The following LAMA5 variants were observed in gnomAD, a reference collection of about 807,000 sequenced individuals.
The protein encoded by LAMA5 is laminin subunit alpha 5, also known as laminin subunit alpha-5.
LAMA5 carries 260 observed loss-of-function variants against 433.4 expected under a neutral mutation model. That is an observed-to-expected ratio of 0.60 (90% confidence interval 0.54 to 0.66). The LOEUF is 0.66. Among genes scored for constraint, LAMA5 ranks in the 30% least tolerant of loss-of-function variants. The pLI, the probability that LAMA5 is intolerant of heterozygous loss-of-function variation, is 0.00. For missense variants in LAMA5, 5,378 were observed against 5,258.5 expected (o/e 1.02, Z -0.70); for synonymous variants, 2,620 against 2,226.6 (o/e 1.18, Z -4.97).
chr20:62,352,412 T>G (rs766595554), intron 3 of LAMA5, 52 bp from the exon 4 acceptor site: 3 of 1,445,514 alleles, frequency 2.1e-6, no homozygotes, highest in Admixed American at 1.8e-5. Flanking sequence ...AAAGCCTGGG[T>G]CCCCGCGGTG....
intron 51 of LAMA5, 109 bp from the exon 52 acceptor site, chr20:62,319,122 G>T: frequency 1.6e-6 from 2 of 1,229,092 alleles, no homozygotes; most frequent in Non-Finnish European, 1.1e-6. Context: ...CAGGCCAGGG[G>T]CCCGGAACCT....
intron 6 of LAMA5, among the ~76,000 whole-genome samples, chr20:62,347,630 A>T (rs1983589829): frequency 6.6e-6 from 1 of 152,188 alleles, no homozygotes; most frequent in South Asian, 2.1e-4. Context: ...ACAGGGCTGG[A>T]ATCTTGCCTT....
Position 62,309,129 on chromosome 20 carries a change from C to A in LAMA5, c.*207G>T. The A allele has an allele frequency of 1.6e-6, 1 of 624,354 alleles. No individual in the cohort carries two copies. Among genetic ancestry groups the A allele is most frequent in the Non-Finnish European group, 2.7e-6 (1 of 376,954 alleles). 38.7% of individuals were successfully genotyped at this position (624,354 alleles called of 1,614,324 possible). ...GTGATGATTGGTGACAAATCTCTCACAATTAAAAATGGGTGGAAGGGCCAA... is the reference window on the plus strand; with the variant it reads ...GTGATGATTGGTGACAAATCTCTCAAAATTAAAAATGGGTGGAAGGGCCAA... On this transcript the variant is annotated 3_prime_UTR_variant, in exon 80 of 80. Transcript: ENST00000252999.
rs529376679 is a variant in LAMA5 at position 62,338,647 on chromosome 20, T to A, written c.1478-39A>T. 5.1e-6 allele frequency: 8 copies of A among 1,583,170 alleles called. No homozygotes were observed. The Admixed American group carries it at 1.2e-4, about 25-fold the overall frequency. ...ACAGGCAGGGGAGTCTCAGATGCCC[T>A]GCAGACCCCAGTACGCCCCTCCTGG... On this transcript the variant is annotated intron_variant, in intron 11 of 79. Transcript: ENST00000252999.
At position 62,351,698 on chromosome 20, in the gene LAMA5, C is replaced by A. The variant is rs186054581; in HGVS notation, c.956+6G>T. On this transcript the variant is annotated splice_donor_region_variant and intron_variant, in intron 6 of 79. Coordinates refer to ENST00000252999, the MANE Select transcript of LAMA5 (RefSeq NM_005560.6). ...TGAACGGGGCCTCACCTGAATGGGG[C>A]CTCACCTGAACGGGTCCGTGGGGTC... 3.4e-4 allele frequency: 545 copies of A among 1,610,428 alleles called. 6 individuals carry two copies. In the African/African-American group the frequency reaches 6.8e-3, roughly 20 times the overall value.
chr20:62,325,601 G>T, intron 40 of LAMA5, 55 bp from the exon 41 acceptor site: 2 of 1,294,336 alleles, frequency 1.5e-6, no homozygotes, highest in Middle Eastern at 1.9e-4. Context: ...ACAGAACAGG[G>T]AGCCTAGAAC....
At chr20:62,361,410 G>T (rs999743959) in intron 2 of LAMA5, among the ~76,000 whole-genome samples, 5 of 152,186 alleles carry the variant, frequency 3.3e-5, no homozygotes, top group African/African-American at 1.2e-4. Context: ...CTCACTGCCT[G>T]CCCAGCCCGG....
intron 2 of LAMA5, among the ~76,000 whole-genome samples, chr20:62,353,722 G>A (rs1429040118): frequency 2.6e-5 from 4 of 152,106 alleles, no homozygotes; most frequent in Non-Finnish European, 5.9e-5. Context: ...CAGGTCCAAA[G>A]GTCCAACCCC....
intron 51 of LAMA5, 62 bp downstream of exon 51, chr20:62,319,622 C>G: frequency 8.0e-7 from 1 of 1,257,730 alleles, no homozygotes. Flanking sequence ...CAGGCACCCC[C>G]ACCCCTACCC....
chr20:62,322,508 G>A, intron 46 of LAMA5, 59 bp from the exon 47 acceptor site: 2 of 1,514,206 alleles, frequency 1.3e-6, no homozygotes, highest in South Asian at 2.4e-5. Flanking sequence ...AGACCAACCT[G>A]GAAGCCAGGG....
chr20:62,350,249 G>A (rs777018289), intron 6 of LAMA5, among the ~76,000 whole-genome samples: 36 of 151,978 alleles, frequency 2.4e-4, no homozygotes, highest in Non-Finnish European at 4.6e-4. Flanking sequence ...CACGAGCTGC[G>A]TCCCCACTTG....
Position 62,310,726 on chromosome 20 carries a change from G to A in LAMA5, c.10385C>T (p.Pro3462Leu). 1 of 1,593,906 alleles carries A rather than the reference G, an allele frequency of 6.3e-7. No homozygotes were observed. Among genetic ancestry groups the A allele is most frequent in the Non-Finnish European group, 8.5e-7 (1 of 1,173,446 alleles). Residue 3462 changes from proline (P) to leucine (L), a missense_variant, in exon 75 of 80, where the codon CCC becomes CTC. Physicochemically the swap from Pro to Leu is moderately conservative, Grantham distance 98. Coordinates refer to ENST00000252999, the MANE Select transcript of LAMA5 (RefSeq NM_005560.6). Reference sequence around the variant, plus strand: ...GCCCACAAAGAGGGTGTGGGGCTGGGGGTGCTCTGCCCCCTGGTGCTGCCG... The same window carrying A: ...GCCCACAAAGAGGGTGTGGGGCTGGAGGTGCTCTGCCCCCTGGTGCTGCCG... ...PHRQHQGAEH[P>L]QPHTLFVGGL...
In LAMA5 at chr20:62,317,468, C is replaced by G; in HGVS notation, c.7388G>C (p.Gly2463Ala). The G allele has an allele frequency of 6.4e-7, 1 of 1,573,748 alleles. No individual in the cohort carries two copies. Among genetic ancestry groups the G allele is most frequent in the Non-Finnish European group, 8.6e-7 (1 of 1,157,510 alleles). The change falls in exon 55 of 80, where the codon GGG becomes GCG. Residue 2463 changes from glycine to alanine, a missense_variant. Physicochemically the swap from Gly to Ala is moderately conservative, Grantham distance 60. Transcript: ENST00000252999. Reference sequence around the variant, plus strand: ...CCTCTGCAGCAGTGGGGTCCGAGCCCCATCCAGGCTGGCGGCGAGGCGCTC... The same window carrying G: ...CCTCTGCAGCAGTGGGGTCCGAGCCGCATCCAGGCTGGCGGCGAGGCGCTC... ...ELERLAASLD[G>A]ARTPLLQRMQ...
intron 11 of LAMA5, among the ~76,000 whole-genome samples, chr20:62,344,532 C>T (rs1983063784): frequency 6.6e-6 from 1 of 151,632 alleles, no homozygotes; most frequent in South Asian, 2.1e-4. Flanking sequence ...GTTCTCAGCT[C>T]ACTGCAACCA....
intron 3 of LAMA5, 132 bp downstream of exon 3, chr20:62,353,002 C>T (rs1321005151): frequency 3.1e-6 from 2 of 649,754 alleles, no homozygotes; most frequent in Non-Finnish European, 5.2e-6. Context: ...CCTCGTCTGA[C>T]AGTCATGACC....
chr20:62,316,096 C>T, intron 57 of LAMA5, 38 bp from the exon 58 acceptor site: 1 of 1,442,062 alleles, frequency 6.9e-7, no homozygotes, highest in Non-Finnish European at 9.6e-7. Flanking sequence ...GGCAGCTTCA[C>T]CCCCAGTATA....
At chr20:62,357,326 C>T (rs1261158519) in intron 2 of LAMA5, among the ~76,000 whole-genome samples, 1 of 152,190 alleles carries the variant, frequency 6.6e-6, no homozygotes, top group Non-Finnish European at 1.5e-5. Flanking sequence ...AAAAGCCCCT[C>T]CTAGCCCCAG....
At chr20:62,328,132 A>G in intron 35 of LAMA5, 109 bp downstream of exon 35, 1 of 1,509,560 alleles carries the variant, frequency 6.6e-7, no homozygotes, top group African/African-American at 1.4e-5. Context: ...GCGCTGCTGC[A>G]CCCAGGGAGC....
chr20:62,350,451 C>T (rs1039002810), intron 6 of LAMA5, among the ~76,000 whole-genome samples: 6 of 152,154 alleles, frequency 3.9e-5, no homozygotes, highest in African/African-American at 1.4e-4. Context: ...CCAGGGCTCC[C>T]GCCTCTGCTC....
Sources: gnomAD v4.1 joint callset for allele counts (sites outside exome capture counted in the v4.1 genomes callset) on GRCh38, gnomAD v4.1.1 for gene constraint, MANE v1.5 for transcripts, NCBI Gene and HGNC (gene_info 2026-07-23, HGNC 2026-07-21) for gene names.